The following ANO10 variants were observed in gnomAD, a reference collection of about 807,000 sequenced individuals.
The protein encoded by ANO10 is anoctamin-10.
ANO10 carries 77 observed loss-of-function variants against 74.7 expected under a neutral mutation model. That is an observed-to-expected ratio of 1.03 (90% CI 0.86 to 1.25). The LOEUF (loss-of-function observed/expected upper bound fraction) is 1.25, where lower values mean the gene tolerates loss of function less well. Among genes scored for constraint, ANO10 ranks in the 50% most tolerant of loss-of-function variants. ANO10 has a pLI of 0.00. For synonymous variants in ANO10, 279 were observed against 284.9 expected (o/e 0.98, Z 0.21); for missense variants, 721 against 778.1 (o/e 0.93, Z 0.87).
intron 11 of ANO10, among the ~76,000 whole-genome samples, chr3:43,473,186 C>G (rs975301469): frequency 1.2e-4 from 18 of 152,050 alleles, no homozygotes; most frequent in African/African-American, 4.3e-4. Flanking sequence ...TCCTACTAGA[C>G]AGAATCTAGT....
intron 1 of ANO10, among the ~76,000 whole-genome samples, chr3:43,615,542 G>A (rs1199231822): frequency 6.6e-6 from 1 of 151,854 alleles, no homozygotes; most frequent in African/African-American, 2.4e-5. Flanking sequence ...GAAAAAAAGT[G>A]GCTCTATATT....
intron 11 of ANO10, among the ~76,000 whole-genome samples, chr3:43,515,858 A>G (rs2077689261): frequency 6.6e-6 from 1 of 152,180 alleles, no homozygotes; most frequent in Non-Finnish European, 1.5e-5. Flanking sequence ...TGACTACTGA[A>G]TATACCCTGA....
intron 12 of ANO10, among the ~76,000 whole-genome samples, chr3:43,373,259 C>T (rs1364195354): frequency 6.6e-6 from 1 of 151,932 alleles, no homozygotes; most frequent in African/African-American, 2.4e-5. Flanking sequence ...TCATGATTAG[C>T]AAGCTCAGAT....
chr3:43,461,075 C>T (rs967637722), intron 11 of ANO10, among the ~76,000 whole-genome samples: 1 of 150,220 alleles, frequency 6.7e-6, no homozygotes. Context: ...AGAAGAAAAT[C>T]AATAAGAACA....
chr3:43,440,554 G>T (rs1007395825), intron 11 of ANO10, among the ~76,000 whole-genome samples: 5 of 152,044 alleles, frequency 3.3e-5, no homozygotes, highest in Admixed American at 3.3e-4. Flanking sequence ...CCAAATATAT[G>T]AAACAAATAT....
At chr3:43,614,774 T>TAC (rs2083004818) in intron 1 of ANO10, among the ~76,000 whole-genome samples, 2 of 84,268 alleles carry the variant, frequency 2.4e-5, no homozygotes, top group African/African-American at 5.6e-5. Context: ...AACTAAACTA[T>TAC]ATATATATAT....
At chr3:43,589,905 T>C (rs992208615) in intron 4 of ANO10, among the ~76,000 whole-genome samples, 1 of 152,118 alleles carries the variant, frequency 6.6e-6, no homozygotes, top group Admixed American at 6.6e-5. Flanking sequence ...AGGTCCAAAA[T>C]GGTATGCACA....
At chr3:43,517,532 C>A (rs974942991) in intron 11 of ANO10, among the ~76,000 whole-genome samples, 1 of 152,082 alleles carries the variant, frequency 6.6e-6, no homozygotes, top group African/African-American at 2.4e-5. Context: ...ATCATCCTTA[C>A]ATGAAGAGAT....
At chr3:43,372,824 A>AGG (rs1412063076) in intron 12 of ANO10, 1 of 1,535,452 alleles carries the variant, frequency 6.5e-7, no homozygotes, top group East Asian at 2.4e-5. Context: ...ACCGTGGAAG[A>AGG]GAGACCAGCT....
chr3:43,520,632 TTTTA>T (rs1314610976), intron 11 of ANO10, among the ~76,000 whole-genome samples: 1 of 152,172 alleles, frequency 6.6e-6, no homozygotes, highest in African/African-American at 2.4e-5. Context: ...TGTACATTCT[TTTTA>T]TTTATTTATT....
intron 11 of ANO10, among the ~76,000 whole-genome samples, chr3:43,478,037 C>T (rs1317609897): frequency 6.6e-6 from 1 of 152,174 alleles, no homozygotes; most frequent in Non-Finnish European, 1.5e-5. Context: ...ATTCTAAGTG[C>T]TTTTCATATA....
chr3:43,367,244 C>T lies in ANO10; in HGVS notation c.1915-270G>A, dbSNP rs74804865. Among the ~76,000 whole-genome samples, 4,775 of 152,262 alleles carry T rather than the reference C, an allele frequency of 0.031. 246 individuals are homozygous for T. The highest frequency in any genetic ancestry group is 0.11 in the African/African-American group (4,446 of 41,544). ...GAGAAGCAGCTGGCGTCTCCTCCTC[C>T]CTGGATGGCCAGGATGAGGGGAATA... On this transcript the variant is annotated intron_variant, in intron 12 of 12. Transcript: ENST00000292246.
intron 1 of ANO10, among the ~76,000 whole-genome samples, chr3:43,610,493 G>T (rs1428319345): frequency 6.6e-6 from 1 of 152,112 alleles, no homozygotes; most frequent in Non-Finnish European, 1.5e-5. Flanking sequence ...CTACTTTTAT[G>T]CAACTGGCAG....
intron 4 of ANO10, among the ~76,000 whole-genome samples, chr3:43,596,651 T>C (rs2082100655): frequency 1.3e-5 from 2 of 151,952 alleles, no homozygotes; most frequent in African/African-American, 4.8e-5. Flanking sequence ...CCGAAAACCA[T>C]TAAAAACCCT....
intron 11 of ANO10, among the ~76,000 whole-genome samples, chr3:43,498,441 A>C (rs888805558): frequency 1.3e-5 from 2 of 152,232 alleles, no homozygotes; most frequent in East Asian, 3.8e-4. Flanking sequence ...CCCTGATGGC[A>C]GTGTTACCTA....
rs764035247 is a variant in ANO10 at position 43,526,427 on chromosome 3, C to A, written c.1797+23293G>T. Among the ~76,000 whole-genome samples the A allele has an allele frequency of 4.3e-4, 65 of 152,202 alleles. No homozygotes were observed. In the Middle Eastern group the frequency reaches 0.01, roughly 24 times the overall value. On this transcript the variant is annotated intron_variant, in intron 11 of 12. Coordinates refer to ENST00000292246, the MANE Select transcript of ANO10 (RefSeq NM_018075.5). ...AGAAGCGTCAGCATGCATGCCCACACGGCAACACAGAGGATTAACTGACCA... is the reference window on the plus strand; with the variant it reads ...AGAAGCGTCAGCATGCATGCCCACAAGGCAACACAGAGGATTAACTGACCA...
chr3:43,473,951 G>A (rs1039200488), intron 11 of ANO10, among the ~76,000 whole-genome samples: 4 of 152,198 alleles, frequency 2.6e-5, no homozygotes, highest in Non-Finnish European at 5.9e-5. Flanking sequence ...CAGCTGGGCT[G>A]AGGAGGGTTC....
At chr3:43,671,279 C>T (rs2084055953) in intron 1 of ANO10, among the ~76,000 whole-genome samples, 1 of 152,090 alleles carries the variant, frequency 6.6e-6, no homozygotes, top group Non-Finnish European at 1.5e-5. Flanking sequence ...GAATTAGAGG[C>T]CACATCTCTA....
At chr3:43,370,986 C>T (rs531180588) in intron 12 of ANO10, among the ~76,000 whole-genome samples, 5 of 152,268 alleles carry the variant, frequency 3.3e-5, no homozygotes, top group Admixed American at 1.3e-4. Flanking sequence ...GTGGACACCA[C>T]GGACCTCAAA....
Sources: allele counts gnomAD v4.1 joint callset (sites outside exome capture counted in the v4.1 genomes callset), GRCh38; gene constraint gnomAD v4.1.1; transcripts MANE v1.5; gene names NCBI Gene and HGNC (gene_info 2026-07-23, HGNC 2026-07-21).